CNGA3: variants seen among roughly 807,000 people sequenced by gnomAD.
CNGA3 encodes cyclic nucleotide-gated channel alpha-3.
CNGA3 carries 42 observed loss-of-function variants against 46.6 expected under a neutral mutation model. That is an observed-to-expected ratio of 0.90 (90% CI 0.70 to 1.17). CNGA3 has a LOEUF of 1.17. CNGA3 is among the 50% of genes most tolerant of loss of function. The probability of loss-of-function intolerance (pLI) is 0.00; values close to 1 mark genes in which losing one functional copy is unlikely to be tolerated. For missense variants in CNGA3, 893 were observed against 890.7 expected, an observed-to-expected ratio of 1.00 and a Z score of -0.03; for synonymous variants, 394 against 369.4, an observed-to-expected ratio of 1.07 and a Z score of -0.76.
At chr2:98,356,481 A>G (rs1044381719) in intron 1 of CNGA3, among the ~76,000 whole-genome samples, 14 of 152,110 alleles carry the variant, frequency 9.2e-5, no homozygotes, top group African/African-American at 3.1e-4. Flanking sequence ...CTTGTTTGCC[A>G]TGGCTTGTGT....
At position 98,378,074 on chromosome 2, in the gene CNGA3, A is replaced by G. The variant is rs1194525495; in HGVS notation, c.215+274A>G. The G allele has an allele frequency of 5.8e-6, 9 of 1,550,270 alleles. No individual in the cohort carries two copies. The East Asian group carries it at 1.5e-4, about 25-fold the overall frequency. On this transcript the variant is annotated intron_variant, in intron 3 of 7. Coordinates refer to ENST00000272602, the MANE Select transcript of CNGA3 (RefSeq NM_001298.3). ...CTTGCTCAGGTTTGGAAGAATTCAG[A>G]AAAAAAGCCAACCGGAGAAGGTGGT...
intron 1 of CNGA3, among the ~76,000 whole-genome samples, chr2:98,348,602 AC>A (rs1330790300): frequency 6.6e-6 from 1 of 151,804 alleles, no homozygotes; most frequent in Non-Finnish European, 1.5e-5. Context: ...CTCACCTGAA[AC>A]CCCTGCTAAT....
chr2:98,368,182 TG>T (rs1692206338), intron 1 of CNGA3, among the ~76,000 whole-genome samples: 1 of 152,260 alleles, frequency 6.6e-6, no homozygotes, highest in Non-Finnish European at 1.5e-5. Context: ...GTCAGGACCC[TG>T]CTGAGCCGAT....
At chr2:98,347,639 T>C (rs1306066515) in intron 1 of CNGA3, among the ~76,000 whole-genome samples, 1 of 151,952 alleles carries the variant, frequency 6.6e-6, no homozygotes, top group East Asian at 1.9e-4. Context: ...CAGGTGCCTC[T>C]GACACGCAGT....
intron 1 of CNGA3, chr2:98,350,822 C>T (rs1255164884): frequency 3.9e-5 from 6 of 152,158 alleles, no homozygotes; most frequent in African/African-American, 9.7e-5. Context: ...TTGGAAGCTT[C>T]CATTTGCTCT....
At chr2:98,393,085 G>A (rs1469943509) in intron 7 of CNGA3, among the ~76,000 whole-genome samples, 1 of 152,140 alleles carries the variant, frequency 6.6e-6, no homozygotes, top group Non-Finnish European at 1.5e-5. Context: ...GGGCAACATA[G>A]CAAGACCTTG....
At chr2:98,386,722 G>A (rs1211522928) in intron 5 of CNGA3, among the ~76,000 whole-genome samples, 1 of 152,156 alleles carries the variant, frequency 6.6e-6, no homozygotes, top group African/African-American at 2.4e-5. Flanking sequence ...AAAGTAAATG[G>A]AAGAAGAAGA....
chr2:98,346,635 A>T, intron 1 of CNGA3, 101 bp downstream of exon 1: 1 of 391,070 alleles, frequency 2.6e-6, no homozygotes, highest in Non-Finnish European at 4.5e-6. Context: ...AGAGAACCAC[A>T]CGCAGGGGAG....
At chr2:98,361,274 T>C (rs373691385) in intron 1 of CNGA3, among the ~76,000 whole-genome samples, 14 of 152,214 alleles carry the variant, frequency 9.2e-5, no homozygotes, top group African/African-American at 3.4e-4. Flanking sequence ...AGTGAGAACA[T>C]GCAGTGTTTG....
intron 6 of CNGA3, among the ~76,000 whole-genome samples, chr2:98,390,691 G>T (rs1692763986): frequency 6.6e-6 from 1 of 152,152 alleles, no homozygotes; most frequent in Non-Finnish European, 1.5e-5. Flanking sequence ...GAGGAAGCCT[G>T]CAGGCTGCAA....
At chr2:98,374,530 C>T (rs1183524913) in intron 2 of CNGA3, among the ~76,000 whole-genome samples, 3 of 152,158 alleles carry the variant, frequency 2.0e-5, no homozygotes, top group Non-Finnish European at 4.4e-5. Context: ...AGAGCCTGGC[C>T]CCACGACTCT....
intron 2 of CNGA3, among the ~76,000 whole-genome samples, chr2:98,374,472 T>A (rs1455567728): frequency 6.6e-6 from 1 of 152,110 alleles, no homozygotes; most frequent in African/African-American, 2.4e-5. Flanking sequence ...GAGACTGAGG[T>A]CCTGTAAAGC....
At chr2:98,353,329 C>T (rs1203339242) in intron 1 of CNGA3, among the ~76,000 whole-genome samples, 1 of 152,142 alleles carries the variant, frequency 6.6e-6, no homozygotes, top group South Asian at 2.1e-4. Flanking sequence ...CTTTTTCTTT[C>T]TGTTTTTGAA....
chr2:98,374,831 G>C lies in CNGA3; in HGVS notation c.102-2856G>C, dbSNP rs553837347. Among the ~76,000 whole-genome samples the C allele has an allele frequency of 9.2e-5, 14 of 152,294 alleles. No individual in the cohort carries two copies. In the South Asian group the frequency reaches 2.3e-3, roughly 25 times the overall value. Reference sequence around the variant, plus strand: ...GGGGCAACGCATAGGGAAAAAATGGGCCCCCCCATCAGGCCCCTGGAACTT... The same window carrying C: ...GGGGCAACGCATAGGGAAAAAATGGCCCCCCCCATCAGGCCCCTGGAACTT... On this transcript the variant is annotated intron_variant, in intron 2 of 7. Transcript: ENST00000272602.
At chr2:98,379,996 G>A in intron 3 of CNGA3, 179 bp from the exon 4 acceptor site, 2 of 696,228 alleles carry the variant, frequency 2.9e-6, no homozygotes, top group South Asian at 3.4e-5. Flanking sequence ...ATGGGGCAGA[G>A]ATGCAAACTT....
intron 1 of CNGA3, among the ~76,000 whole-genome samples, chr2:98,359,747 C>T (rs1284797582): frequency 1.3e-5 from 2 of 152,202 alleles, no homozygotes; most frequent in African/African-American, 2.4e-5. Flanking sequence ...GCCACATCTC[C>T]AGGCTCTGTC....
intron 1 of CNGA3, among the ~76,000 whole-genome samples, chr2:98,361,754 C>A (rs1335653327): frequency 1.4e-5 from 2 of 142,950 alleles, no homozygotes; most frequent in African/African-American, 5.3e-5. Flanking sequence ...GTCGCCCAGG[C>A]TGGAGTGCAG....
intron 1 of CNGA3, among the ~76,000 whole-genome samples, chr2:98,349,957 T>TG (rs1691738073): frequency 1.3e-5 from 2 of 152,098 alleles, no homozygotes; most frequent in Non-Finnish European, 2.9e-5. Context: ...TGACAGTAGC[T>TG]GGGGGAGACA....
intron 1 of CNGA3, among the ~76,000 whole-genome samples, chr2:98,346,831 C>T (rs1691637444): frequency 6.6e-6 from 1 of 152,182 alleles, no homozygotes; most frequent in Non-Finnish European, 1.5e-5. Context: ...AAGCCGATCG[C>T]ACCCCCTTTT....
Sources: allele counts gnomAD v4.1 joint callset (sites outside exome capture counted in the v4.1 genomes callset), GRCh38; gene constraint gnomAD v4.1.1; transcripts MANE v1.5; gene names NCBI Gene and HGNC (gene_info 2026-07-23, HGNC 2026-07-21).